The following RAP1GAP2 variants were observed in gnomAD, a reference collection of about 807,000 sequenced individuals.
RAP1GAP2 encodes RAP1 GTPase activating protein 2.
Under a neutral mutation model 95.0 loss-of-function variants are expected in RAP1GAP2, and 27 were observed. The observed-to-expected ratio is 0.28, with a 90% confidence interval of 0.21 to 0.39. RAP1GAP2 has a LOEUF of 0.39. Among genes scored for constraint, RAP1GAP2 ranks in the 10% least tolerant of loss-of-function variants. The pLI, the probability that RAP1GAP2 is intolerant of heterozygous loss-of-function variation, is 1.00. For missense variants in RAP1GAP2, 771 were observed against 970.0 expected (o/e 0.79, Z 2.72); for synonymous variants, 373 against 380.9 (o/e 0.98, Z 0.24).
chr17:2,944,986 C>T (rs892181758), intron 3 of RAP1GAP2, among the ~76,000 whole-genome samples: 3 of 152,132 alleles, frequency 2.0e-5, no homozygotes, highest in East Asian at 3.9e-4. Context: ...GGGTTCACGT[C>T]ATTCTCCTGC....
At position 2,989,665 on chromosome 17, in the gene RAP1GAP2, A is replaced by ATT. The variant is rs56135563; in HGVS notation, c.814-1622_814-1621dup. 4.2e-3 allele frequency among the ~76,000 whole-genome samples: 627 copies of ATT among 149,712 alleles called. 30 individuals carry two copies. The East Asian group carries it at 0.096, about 23-fold the overall frequency. On this transcript the variant is annotated intron_variant, in intron 11 of 24. Coordinates refer to ENST00000254695, the MANE Select transcript of RAP1GAP2 (RefSeq NM_015085.5). ...TGTCTTTTGACCATTTTCTAAATGG[A>ATT]TTTTTTTTTTTAACTGTTGGGTTAA...
chr17:2,897,209 G>A (rs541875703), intron 2 of RAP1GAP2, among the ~76,000 whole-genome samples: 86 of 152,038 alleles, frequency 5.7e-4, no homozygotes, highest in South Asian at 1.0e-3. Flanking sequence ...GTGGTGGCGC[G>A]TGCCTGTAAT....
chr17:2,762,402 T>C (rs1296320451), intron 1 of RAP1GAP2, among the ~76,000 whole-genome samples: 3 of 147,416 alleles, frequency 2.0e-5, no homozygotes, highest in African/African-American at 2.5e-5. Context: ...TCTTTCTTTT[T>C]TTTTTTTTTT....
chr17:2,906,277 C>T lies in RAP1GAP2; in HGVS notation c.165+909C>T, dbSNP rs536361985. 3.9e-5 allele frequency among the ~76,000 whole-genome samples: 6 copies of T among 152,298 alleles called. No individual in the cohort carries two copies. In the South Asian group the frequency reaches 1.2e-3, roughly 32 times the overall value. On this transcript the variant is annotated intron_variant, in intron 3 of 24. Transcript: ENST00000254695. This position sits in a 1 kb window ranked among gnomAD's most constrained non-coding sequence, Gnocchi z 4.3. ...TCTCTTCCTCACTGCTCTGCATCACCCCTCCTCTTCCCTGAACCTAATCTT... is the reference window on the plus strand; with the variant it reads ...TCTCTTCCTCACTGCTCTGCATCACTCCTCCTCTTCCCTGAACCTAATCTT...
chr17:2,786,946 C>CTTTTT (rs67990731), intron 1 of RAP1GAP2, among the ~76,000 whole-genome samples: 11 of 58,266 alleles, frequency 1.9e-4, no homozygotes, highest in Admixed American at 5.3e-4. Context: ...CGCTCCCAGC[C>CTTTTT]TTTTTTTTTT....
chr17:2,893,306 G>T (rs922968409), intron 2 of RAP1GAP2, among the ~76,000 whole-genome samples: 1 of 152,180 alleles, frequency 6.6e-6, no homozygotes, highest in Non-Finnish European at 1.5e-5. Context: ...CTCCCAAAGT[G>T]CTGGGATTAC....
intron 3 of RAP1GAP2, among the ~76,000 whole-genome samples, chr17:2,950,856 C>T (rs1430976716): frequency 6.6e-6 from 1 of 152,122 alleles, no homozygotes; most frequent in African/African-American, 2.4e-5. Flanking sequence ...AGTGATCCAC[C>T]CACCTCAGCC....
intron 2 of RAP1GAP2, among the ~76,000 whole-genome samples, chr17:2,845,858 C>A (rs1379848273): frequency 6.9e-6 from 1 of 144,584 alleles, no homozygotes; most frequent in African/African-American, 2.5e-5. Context: ...GAGGCTCTGT[C>A]TTAAAATAAA....
intron 2 of RAP1GAP2, among the ~76,000 whole-genome samples, chr17:2,821,942 C>T (rs766751186): frequency 1.1e-4 from 17 of 152,308 alleles, no homozygotes; most frequent in South Asian, 4.1e-4. Flanking sequence ...ATGGATTACG[C>T]ACTGCAGAAA....
intron 3 of RAP1GAP2, among the ~76,000 whole-genome samples, chr17:2,945,764 A>G (rs2043676670): frequency 6.6e-6 from 1 of 151,328 alleles, no homozygotes; most frequent in Admixed American, 6.6e-5. Context: ...TTAATGTGAT[A>G]CATTGATTTT....
chr17:2,757,688 G>T (rs908466958), intron 1 of RAP1GAP2, among the ~76,000 whole-genome samples: 1 of 152,044 alleles, frequency 6.6e-6, no homozygotes, highest in South Asian at 2.1e-4. Context: ...GGAGGCAGAG[G>T]TATAAAGAAA....
intron 14 of RAP1GAP2, among the ~76,000 whole-genome samples, chr17:2,998,792 TGG>T (rs1225781670): frequency 2.4e-4 from 37 of 152,118 alleles, no homozygotes; most frequent in African/African-American, 5.8e-4. Flanking sequence ...ATTTGGAATT[TGG>T]TGATGCCATT....
chr17:2,967,260 A>G (rs945101848), intron 8 of RAP1GAP2, among the ~76,000 whole-genome samples: 3 of 152,068 alleles, frequency 2.0e-5, no homozygotes, highest in Non-Finnish European at 4.4e-5. Flanking sequence ...AGTCCCAGCT[A>G]CTCAGGAGGC....
chr17:3,032,093 C>G (rs1195426928), intron 23 of RAP1GAP2, among the ~76,000 whole-genome samples: 2 of 144,080 alleles, frequency 1.4e-5, no homozygotes, highest in Non-Finnish European at 3.0e-5. Flanking sequence ...CTATCGAGAG[C>G]TCCAGGTCCA....
intron 2 of RAP1GAP2, among the ~76,000 whole-genome samples, chr17:2,897,864 G>C (rs560057341): frequency 1.3e-5 from 2 of 151,746 alleles, no homozygotes; most frequent in Admixed American, 6.6e-5. Context: ...CTCTGCATCC[G>C]TGAACCCTGG....
At position 2,797,892 on chromosome 17, in the gene RAP1GAP2, C is replaced by A; in HGVS notation, c.44+1321C>A. 1.6e-6 allele frequency: 1 copy of A among 629,960 alleles called. No individual in the cohort carries two copies. Among genetic ancestry groups the A allele is most frequent in the Non-Finnish European group, 2.0e-6 (1 of 505,664 alleles). 39.0% of individuals were successfully genotyped at this position (629,960 alleles called of 1,614,324 possible). ...GCAGGGCCCAGCAATTAGATTGTGC[C>A]CTCCAAGGCCCGCCTTTCTCTGGGA... is the stretch of plus-strand genomic sequence containing the variant. On this transcript the variant is annotated intron_variant, in intron 1 of 24. Coordinates refer to ENST00000254695, the MANE Select transcript of RAP1GAP2 (RefSeq NM_015085.5). This position sits in a 1 kb window ranked among gnomAD's most constrained non-coding sequence, Gnocchi z 5.6.
intron 2 of RAP1GAP2, among the ~76,000 whole-genome samples, chr17:2,852,505 C>T (rs1017626842): frequency 1.6e-4 from 24 of 152,188 alleles, no homozygotes; most frequent in Non-Finnish European, 3.5e-4. Context: ...CCCTCGAATT[C>T]GTTTGCAGTC....
At position 2,814,433 on chromosome 17, in the gene RAP1GAP2, C is replaced by A. The variant is rs144909481; in HGVS notation, c.80+13883C>A. On this transcript the variant is annotated intron_variant, in intron 2 of 24. Coordinates refer to ENST00000254695, the MANE Select transcript of RAP1GAP2 (RefSeq NM_015085.5). ...AGCATCAGGGTCACAACCTGCCCGT[C>A]CTTCCAGGGCCAGCTTCCATGCAGC... 3.5e-4 allele frequency among the ~76,000 whole-genome samples: 53 copies of A among 152,286 alleles called. No individual in the cohort carries two copies. In the East Asian group the frequency reaches 8.3e-3, roughly 24 times the overall value.
In RAP1GAP2 at chr17:2,918,549, C is replaced by T. The variant is rs189544585; in HGVS notation, c.165+13181C>T. 1.6e-3 allele frequency among the ~76,000 whole-genome samples: 241 copies of T among 151,422 alleles called. No individual in the cohort carries two copies. In the Middle Eastern group the frequency reaches 0.021, roughly 13 times the overall value. ...GGGGTGGCCTCAGGAAACTTTTATT[C>T]ATGGTGGAAGGTGAAGGGAGAGGAG... is the stretch of plus-strand genomic sequence containing the variant. On this transcript the variant is annotated intron_variant, in intron 3 of 24. Transcript: ENST00000254695.
Sources: gnomAD v4.1 joint callset for allele counts (sites outside exome capture counted in the v4.1 genomes callset) on GRCh38, gnomAD v4.1.1 for gene constraint, Gnocchi (gnomAD v3.1) non-coding constraint, MANE v1.5 for transcripts, NCBI Gene and HGNC (gene_info 2026-07-23, HGNC 2026-07-21) for gene names.